The following PPARGC1B variants were observed in gnomAD, a reference collection of about 807,000 sequenced individuals.
PPARGC1B encodes the protein peroxisome proliferator-activated receptor gamma coactivator 1-beta.
In PPARGC1B, 34 loss-of-function variants were observed where a neutral mutation model predicts 101.6. That is an observed-to-expected ratio of 0.33 (90% CI 0.25 to 0.45). The LOEUF (loss-of-function observed/expected upper bound fraction) is 0.45. Ranked by LOEUF, PPARGC1B falls within the 20% of genes least tolerant of loss-of-function variation. PPARGC1B has a pLI of 1.00. For synonymous variants in PPARGC1B, 548 were observed against 539.3 expected (o/e 1.02, Z -0.22); for missense variants, 1,234 against 1,317.6 (o/e 0.94, Z 0.98).
intron 1 of PPARGC1B, among the ~76,000 whole-genome samples, chr5:149,785,250 G>A (rs1756757813): frequency 6.7e-6 from 1 of 149,116 alleles, no homozygotes; most frequent in South Asian, 2.2e-4. Context: ...GGCCCTTCTG[G>A]TTGTAAAGGT....
intron 1 of PPARGC1B, among the ~76,000 whole-genome samples, chr5:149,797,573 T>C (rs1252353432): frequency 6.6e-6 from 1 of 152,222 alleles, no homozygotes; most frequent in Non-Finnish European, 1.5e-5. Flanking sequence ...ATTTTGTAAA[T>C]ATATTTTGAT....
chr5:149,820,989 A>G (rs1758272930), intron 2 of PPARGC1B, among the ~76,000 whole-genome samples: 2 of 152,212 alleles, frequency 1.3e-5, no homozygotes, highest in African/African-American at 4.8e-5. Flanking sequence ...AAGGAAAATG[A>G]GGCTTGGAAA....
chr5:149,740,378 G>A (rs114721891), intron 1 of PPARGC1B, among the ~76,000 whole-genome samples: 1,931 of 152,304 alleles, frequency 0.013, 29 homozygotes, highest in African/African-American at 0.043. Context: ...TTATGAAAAG[G>A]GGACACATGT....
chr5:149,818,740 T>G (rs1156976728), intron 1 of PPARGC1B: 1 of 440,784 alleles, frequency 2.3e-6, no homozygotes, highest in African/African-American at 2.0e-5. Flanking sequence ...GAAATACCAT[T>G]GTTTTATCAT....
At chr5:149,801,444 A>G (rs1757426712) in intron 1 of PPARGC1B, among the ~76,000 whole-genome samples, 1 of 152,198 alleles carries the variant, frequency 6.6e-6, no homozygotes, top group African/African-American at 2.4e-5. Context: ...AGGGAACAGC[A>G]TGCGCAGAGG....
At chr5:149,825,844 A>AT (rs1561593914) in intron 2 of PPARGC1B, among the ~76,000 whole-genome samples, 10 of 152,174 alleles carry the variant, frequency 6.6e-5, no homozygotes, top group African/African-American at 2.4e-4. Context: ...CATCATCATC[A>AT]TCGTCATGGC....
intron 1 of PPARGC1B, among the ~76,000 whole-genome samples, chr5:149,792,854 G>A (rs1757072235): frequency 1.3e-5 from 2 of 152,122 alleles, no homozygotes; most frequent in Non-Finnish European, 1.5e-5. Flanking sequence ...AAGAGGAAAT[G>A]ACTGACTTCA....
At position 149,746,911 on chromosome 5, in the gene PPARGC1B, T is replaced by C. The variant is rs1387749563; in HGVS notation, c.78+16491T>C. ...TGCATATCTTCTTTAGATAAATGTCTTTTCAAGTCATTTGCCTGTATTTTA... is the reference window on the plus strand; with the variant it reads ...TGCATATCTTCTTTAGATAAATGTCCTTTCAAGTCATTTGCCTGTATTTTA... On this transcript the variant is annotated intron_variant, in intron 1 of 11. Coordinates refer to ENST00000309241, the MANE Select transcript of PPARGC1B (RefSeq NM_133263.4). Among the ~76,000 whole-genome samples the C allele has an allele frequency of 3.3e-5, 5 of 152,244 alleles. No homozygotes were observed. The East Asian group carries it at 9.6e-4, about 29-fold the overall frequency.
rs1045488420 is a variant in PPARGC1B, at chr5:149,820,380, T to A, written c.79-53T>A. 14 of 1,552,706 alleles carry A rather than the reference T, an allele frequency of 9.0e-6. No individual in the cohort carries two copies. In the African/African-American group the frequency reaches 1.8e-4, roughly 20 times the overall value. ...CATCATTATTGAGAGGGCCCCTGCT[T>A]GGGTCTAGCCAGCCTCAGCTCTGAT... On this transcript the variant is annotated intron_variant, in intron 1 of 11. Transcript: ENST00000309241.
intron 1 of PPARGC1B, among the ~76,000 whole-genome samples, chr5:149,810,113 A>G (rs865896237): frequency 5.3e-5 from 8 of 152,330 alleles, no homozygotes; most frequent in Middle Eastern, 3.4e-3. Flanking sequence ...CCCTGCCTCA[A>G]CAAAGCCTAA....
intron 7 of PPARGC1B, 74 bp from the exon 8 acceptor site, chr5:149,836,189 C>A: frequency 7.5e-7 from 1 of 1,331,740 alleles, no homozygotes; most frequent in South Asian, 1.5e-5. Context: ...AGGCTTGGCC[C>A]CAAACTTAGG....
chr5:149,764,067 A>G (rs897116828), intron 1 of PPARGC1B, among the ~76,000 whole-genome samples: 2 of 152,256 alleles, frequency 1.3e-5, no homozygotes, highest in African/African-American at 4.8e-5. Context: ...ATGTCAAAAC[A>G]TAAAAAAGTT....
rs775019209 is a variant in PPARGC1B, at chr5:149,845,755, C to G, written c.2817-5C>G. The stretch of plus-strand genomic sequence containing the variant: ...TAACATACTCTCCTTGCTCCCTCCC[C>G]GCAGAGGCGAGAAGTACGGCTTCAT... On this transcript the variant is annotated splice_polypyrimidine_tract_variant and splice_region_variant and intron_variant, in intron 10 of 11. Coordinates refer to ENST00000309241, the MANE Select transcript of PPARGC1B (RefSeq NM_133263.4). 6.2e-7 allele frequency: 1 copy of G among 1,603,850 alleles called. No individual in the cohort carries two copies. The highest frequency in any genetic ancestry group is 1.1e-5 in the South Asian group (1 of 90,244).
intron 1 of PPARGC1B, among the ~76,000 whole-genome samples, chr5:149,777,703 C>T (rs1756417802): frequency 6.6e-6 from 1 of 152,000 alleles, no homozygotes; most frequent in African/African-American, 2.4e-5. Flanking sequence ...TCCTCTCTCC[C>T]CATGAGAACC....
chr5:149,825,741 C>T (rs1758491716), intron 2 of PPARGC1B, among the ~76,000 whole-genome samples: 1 of 152,146 alleles, frequency 6.6e-6, no homozygotes, highest in African/African-American at 2.4e-5. Flanking sequence ...CACCAGCGTC[C>T]AGCATGAAGC....
chr5:149,782,482 G>A (rs549409915), intron 1 of PPARGC1B, among the ~76,000 whole-genome samples: 2 of 152,318 alleles, frequency 1.3e-5, no homozygotes, highest in East Asian at 1.9e-4. Flanking sequence ...GATTGTTATC[G>A]GGGAAGAAGG....
chr5:149,786,868 G>A (rs1317832785), intron 1 of PPARGC1B, among the ~76,000 whole-genome samples: 2 of 152,170 alleles, frequency 1.3e-5, no homozygotes, highest in Non-Finnish European at 1.5e-5. Flanking sequence ...GAATATTAAT[G>A]CACTTGGTGC....
At chr5:149,831,481 G>A (rs926868619) in intron 4 of PPARGC1B, among the ~76,000 whole-genome samples, 8 of 152,156 alleles carry the variant, frequency 5.3e-5, no homozygotes, top group South Asian at 2.1e-4. Context: ...AGGCAGAATC[G>A]GGACCTCTCA....
chr5:149,825,266 G>A (rs146783777), intron 2 of PPARGC1B, among the ~76,000 whole-genome samples: 1 of 152,366 alleles, frequency 6.6e-6, no homozygotes, highest in East Asian at 1.9e-4. Flanking sequence ...GGCTTTGGAC[G>A]TTATTTGCTA....
Sources: allele counts gnomAD v4.1 joint callset (sites outside exome capture counted in the v4.1 genomes callset), GRCh38; gene constraint gnomAD v4.1.1; transcripts MANE v1.5; gene names NCBI Gene and HGNC (gene_info 2026-07-23, HGNC 2026-07-21).